SAMSN1: variants seen among roughly 807,000 people sequenced by gnomAD.
SAMSN1 encodes SAM domain, SH3 domain and nuclear localization signals 1, also known as SAM domain-containing protein SAMSN-1.
In SAMSN1, 31 loss-of-function variants were observed where a neutral mutation model predicts 42.0. The observed-to-expected ratio is 0.74, with a 90% CI of 0.55 to 1.00. The LOEUF (loss-of-function observed/expected upper bound fraction) is 1.00, where lower values mean the gene tolerates loss of function less well. Ranked by LOEUF, SAMSN1 falls within the 50% of genes least tolerant of loss-of-function variation. SAMSN1 has a pLI of 0.00. For synonymous variants in SAMSN1, 178 were observed against 151.9 expected, an observed-to-expected ratio of 1.17 and a Z score of -1.26; for missense variants, 464 against 439.4, an observed-to-expected ratio of 1.06 and a Z score of -0.50.
chr21:14,602,276 G>A (rs1020112240), intron 5 of SAMSN1, among the ~76,000 whole-genome samples: 1 of 151,650 alleles, frequency 6.6e-6, no homozygotes, highest in African/African-American at 2.4e-5. Context: ...ACAAGAAACA[G>A]ATCAAAATAA....
intron 2 of SAMSN1, among the ~76,000 whole-genome samples, chr21:14,518,615 C>T (rs1003397757): frequency 6.6e-6 from 1 of 152,130 alleles, no homozygotes; most frequent in African/African-American, 2.4e-5. Context: ...CTTTAGTGAA[C>T]TTGAATATTT....
At chr21:14,653,986 A>G (rs1274951518) in intron 1 of SAMSN1, among the ~76,000 whole-genome samples, 1 of 151,946 alleles carries the variant, frequency 6.6e-6, no homozygotes, top group African/African-American at 2.4e-5. Context: ...TAAAAATATT[A>G]TTTATTCATT....
intron 2 of SAMSN1, among the ~76,000 whole-genome samples, chr21:14,626,240 T>C (rs1378346342): frequency 2.0e-5 from 3 of 151,908 alleles, no homozygotes; most frequent in African/African-American, 2.4e-5. Flanking sequence ...ATGTCTAAAA[T>C]ACCAAAAGCA....
At chr21:14,581,486 G>A (rs1600943509) in intron 2 of SAMSN1, among the ~76,000 whole-genome samples, 1 of 146,770 alleles carries the variant, frequency 6.8e-6, no homozygotes, top group African/African-American at 2.5e-5. Context: ...AGCCTCCCGA[G>A]TAGCTGGAAC....
At chr21:14,590,851 C>T (rs950038885) in intron 7 of SAMSN1, among the ~76,000 whole-genome samples, 16 of 152,032 alleles carry the variant, frequency 1.1e-4, no homozygotes, top group African/African-American at 3.4e-4. Context: ...TATTCATGAC[C>T]TAAAACATAT....
rs1234476764 is a variant in SAMSN1 at position 14,519,957 on chromosome 21, C to A, written c.129+1193G>T. The stretch of plus-strand genomic sequence containing the variant: ...GAGTCAGAGAAAAGGTTGATTTCTG[C>A]CTTTGTCATTTACTCACTCTGTAAT... On this transcript the variant is annotated intron_variant, in intron 2 of 7. Coordinates refer to ENST00000400566, the MANE Select transcript of SAMSN1 (RefSeq NM_022136.5). Among the ~76,000 whole-genome samples the A allele has an allele frequency of 2.0e-5, 3 of 152,164 alleles. No homozygotes were observed. In the East Asian group the frequency reaches 5.8e-4, roughly 29 times the overall value.
intron 2 of SAMSN1, among the ~76,000 whole-genome samples, chr21:14,569,906 C>CT (rs939782121): frequency 1.3e-3 from 192 of 150,334 alleles, no homozygotes; most frequent in African/African-American, 4.3e-3. Context: ...GTAGGCCTAA[C>CT]TTTTTTTTTT....
At chr21:14,529,058 G>C (rs1218380177) in intron 1 of SAMSN1, among the ~76,000 whole-genome samples, 1 of 152,152 alleles carries the variant, frequency 6.6e-6, no homozygotes, top group Non-Finnish European at 1.5e-5. Flanking sequence ...GATTCTGTAT[G>C]GTAATGGGTA....
At chr21:14,558,524 CA>C (rs5842489) in intron 2 of SAMSN1, among the ~76,000 whole-genome samples, 6 of 151,614 alleles carry the variant, frequency 4.0e-5, no homozygotes, top group Non-Finnish European at 7.4e-5. Context: ...ACTAAAAATA[CA>C]AAAAAATTAG....
At chr21:14,521,482 T>A (rs1978478362) in intron 1 of SAMSN1, among the ~76,000 whole-genome samples, 1 of 152,232 alleles carries the variant, frequency 6.6e-6, no homozygotes, top group Non-Finnish European at 1.5e-5. Flanking sequence ...TAAATTATTT[T>A]AAATTTTTTA....
At chr21:14,596,497 A>C (rs1174638191) in intron 6 of SAMSN1, among the ~76,000 whole-genome samples, 1 of 152,184 alleles carries the variant, frequency 6.6e-6, no homozygotes, top group African/African-American at 2.4e-5. Flanking sequence ...CCTCACCCTT[A>C]GTGTGAGCTG....
chr21:14,537,152 C>T (rs937745033), intron 1 of SAMSN1, among the ~76,000 whole-genome samples: 3 of 152,218 alleles, frequency 2.0e-5, no homozygotes, highest in Non-Finnish European at 2.9e-5. Context: ...CAGCTCTTTG[C>T]GGCGGCTCTT....
At chr21:14,515,122 CA>C (rs927505197) in intron 3 of SAMSN1, among the ~76,000 whole-genome samples, 26 of 152,074 alleles carry the variant, frequency 1.7e-4, no homozygotes, top group African/African-American at 5.3e-4. Context: ...GCACTTGGGT[CA>C]AATACAGTTG....
intron 2 of SAMSN1, among the ~76,000 whole-genome samples, chr21:14,619,453 T>G (rs933998340): frequency 6.6e-6 from 1 of 152,200 alleles, no homozygotes; most frequent in African/African-American, 2.4e-5. Flanking sequence ...AAATGATAAA[T>G]GGACTCATTT....
intron 2 of SAMSN1, among the ~76,000 whole-genome samples, chr21:14,575,598 A>G (rs1230609173): frequency 6.6e-6 from 1 of 152,192 alleles, no homozygotes; most frequent in Non-Finnish European, 1.5e-5. Flanking sequence ...GATGAAACAC[A>G]AGGATGTTAA....
chr21:14,654,331 A>C (rs947140570), intron 1 of SAMSN1, among the ~76,000 whole-genome samples: 2 of 152,022 alleles, frequency 1.3e-5, no homozygotes, highest in Non-Finnish European at 2.9e-5. Flanking sequence ...ATTACAAACT[A>C]CTGGGAAAAT....
intron 2 of SAMSN1, among the ~76,000 whole-genome samples, chr21:14,625,968 A>T (rs911730663): frequency 1.3e-5 from 2 of 152,200 alleles, no homozygotes; most frequent in African/African-American, 4.8e-5. Context: ...CCTCTGAAAT[A>T]ATAACACACA....
chr21:14,586,381 T>C (rs1264670729), upstream of SAMSN1, among the ~76,000 whole-genome samples: 2 of 151,650 alleles, frequency 1.3e-5, no homozygotes, highest in Admixed American at 1.3e-4. Flanking sequence ...TGAATGTGAT[T>C]GATTAAGTTT....
chr21:14,518,860 T>C (rs560627894), intron 2 of SAMSN1, among the ~76,000 whole-genome samples: 1 of 152,186 alleles, frequency 6.6e-6, no homozygotes, highest in African/African-American at 2.4e-5. Flanking sequence ...AGAGTTAGCC[T>C]TTTTCTTCTC....
Sources: gnomAD v4.1 joint callset for allele counts (sites outside exome capture counted in the v4.1 genomes callset) on GRCh38, gnomAD v4.1.1 for gene constraint, MANE v1.5 for transcripts, NCBI Gene and HGNC (gene_info 2026-07-23, HGNC 2026-07-21) for gene names.